The following BIN1 variants were observed in gnomAD, a reference collection of about 807,000 sequenced individuals.
The protein encoded by BIN1 is myc box-dependent-interacting protein 1.
BIN1 carries 53 observed loss-of-function variants against 82.0 expected under a neutral mutation model. That is an observed-to-expected ratio of 0.65 (90% CI 0.52 to 0.81). The LOEUF is 0.81. BIN1 is among the 40% of genes least tolerant of loss of function. BIN1 has a pLI of 0.00. For synonymous variants in BIN1, 302 were observed against 328.0 expected (o/e 0.92, Z 0.86); for missense variants, 642 against 784.4 (o/e 0.82, Z 2.17).
At chr2:127,095,110 A>G (rs1004066388) in intron 1 of BIN1, among the ~76,000 whole-genome samples, 4 of 152,222 alleles carry the variant, frequency 2.6e-5, no homozygotes, top group Non-Finnish European at 5.9e-5. Flanking sequence ...TATTTCAGAA[A>G]AAGAACAAGA....
In BIN1 at chr2:127,068,277, A is replaced by C. The variant is rs1225749543; in HGVS notation, c.520-22T>G. 6.3e-7 allele frequency: 1 copy of C among 1,598,966 alleles called. No homozygotes were observed. The highest frequency in any genetic ancestry group is 1.1e-5 in the South Asian group (1 of 90,510). ...CAGGCTGGGGTGGGGAGGTCAAGGC[A>C]AAGGAAGGTGGAGAGACCAGGGAGG... On this transcript the variant is annotated intron_variant, in intron 6 of 18. Coordinates refer to ENST00000316724, the MANE Select transcript of BIN1 (RefSeq NM_139343.3). The surrounding 1 kb of genome is among the most constrained non-coding windows in gnomAD (Gnocchi z 4.9).
rs776373718 is a variant in BIN1, at chr2:127,053,375, A to C, written c.1263+47T>G. The stretch of plus-strand genomic sequence containing the variant: ...GCATGTGGGCCTGGACACATACGGA[A>C]GAGTGGCTCCCCCAGGGGCTGGACA... On this transcript the variant is annotated intron_variant, in intron 14 of 18. Transcript: ENST00000316724. 19 of 1,612,258 alleles carry C rather than the reference A, an allele frequency of 1.2e-5. No individual in the cohort carries two copies. The Admixed American group carries it at 3.0e-4, about 25-fold the overall frequency.
intron 1 of BIN1, among the ~76,000 whole-genome samples, chr2:127,099,865 G>A (rs372463267): frequency 1.3e-5 from 2 of 149,292 alleles, no homozygotes; most frequent in South Asian, 2.1e-4. Context: ...GTGCAGTGGT[G>A]TGATCTCAGC....
rs1314700621 is a variant in BIN1, at chr2:127,067,477, T to G, written c.612+686A>C. Among the ~76,000 whole-genome samples, 3 of 152,138 alleles carry G rather than the reference T, an allele frequency of 2.0e-5. No individual in the cohort carries two copies. Among genetic ancestry groups the G allele is most frequent in the Admixed American group, 2.0e-4 (3 of 15,276 alleles). On this transcript the variant is annotated intron_variant, in intron 7 of 18. Coordinates refer to ENST00000316724, the MANE Select transcript of BIN1 (RefSeq NM_139343.3). The surrounding 1 kb of genome is among the most constrained non-coding windows in gnomAD (Gnocchi z 4.7). ...CCAGGAGTTTTGTAAAAAAGCCTCC[T>G]CCGGGAAGCCCCCCAGGAACACTGT...
chr2:127,059,088 C>A lies in BIN1; in HGVS notation c.925G>T (p.Glu309Ter). ...TCTGGCTCGTGGTTGACTCTGATCT[C>A]GGGGGTGGCGGCAGGGGAGCCATCT... ...PPDGSPAATP[E>*]IRVNHEPEPA... Residue 309 changes from glutamate (E) to a stop codon, truncating the protein, a stop_gained, in exon 11 of 19, where the codon GAG becomes TAG. Transcript: ENST00000316724. LOFTEE classifies it high-confidence loss of function. This position sits in a 1 kb window ranked among gnomAD's most constrained non-coding sequence, Gnocchi z 6.7. 1 of 1,591,830 alleles carries A rather than the reference C, an allele frequency of 6.3e-7. No individual in the cohort carries two copies.
intron 14 of BIN1, 146 bp downstream of exon 14, chr2:127,053,276 G>A (rs1355934256): frequency 2.5e-6 from 3 of 1,213,874 alleles, no homozygotes; most frequent in Admixed American, 2.0e-5. Context: ...CCAGCTCCCT[G>A]TGCGTGAGCA....
intron 1 of BIN1, among the ~76,000 whole-genome samples, chr2:127,092,858 C>A (rs1017490429): frequency 6.6e-6 from 1 of 152,160 alleles, no homozygotes; most frequent in African/African-American, 2.4e-5. Context: ...CACGCCTGCA[C>A]CCCCTGTGCC....
At chr2:127,077,142 G>A (rs986119965) in intron 1 of BIN1, among the ~76,000 whole-genome samples, 1 of 152,226 alleles carries the variant, frequency 6.6e-6, no homozygotes, top group Non-Finnish European at 1.5e-5. Context: ...CCTGGGCCCA[G>A]GCCCATGAAT....
chr2:127,063,125 C>A (rs1684713136), intron 9 of BIN1, among the ~76,000 whole-genome samples: 1 of 152,194 alleles, frequency 6.6e-6, no homozygotes, highest in South Asian at 2.1e-4. Context: ...CAGACCAGAC[C>A]CTGTCGCACA....
chr2:127,087,921 A>T (rs1276188933), intron 1 of BIN1, among the ~76,000 whole-genome samples: 2 of 152,172 alleles, frequency 1.3e-5, no homozygotes, highest in African/African-American at 4.8e-5. Context: ...CCAGGTGTCC[A>T]CCAGCAAACA....
intron 18 of BIN1, among the ~76,000 whole-genome samples, chr2:127,049,038 T>C (rs1247278820): frequency 6.6e-6 from 1 of 152,224 alleles, no homozygotes; most frequent in Non-Finnish European, 1.5e-5. Flanking sequence ...CGACTTGCCC[T>C]TTGCTTCAAT....
At chr2:127,061,750 G>T (rs1485345741) in intron 10 of BIN1, among the ~76,000 whole-genome samples, 2 of 152,090 alleles carry the variant, frequency 1.3e-5, no homozygotes, top group Non-Finnish European at 2.9e-5. Flanking sequence ...CCTGCTCTGA[G>T]AGGACTGCAC....
chr2:127,085,993 C>T (rs75187767), intron 1 of BIN1, among the ~76,000 whole-genome samples: 6,136 of 152,084 alleles, frequency 0.04, 318 homozygotes, highest in East Asian at 0.2. Context: ...CCCACATGTG[C>T]CCCTCTAGGT....
intron 8 of BIN1, 98 bp downstream of exon 8, chr2:127,063,816 AGCACGCAGACTGGACACCG>A: frequency 6.9e-7 from 1 of 1,451,476 alleles, no homozygotes; most frequent in Non-Finnish European, 9.6e-7. Flanking sequence ...TGGGCACCGC[AGCACGCAGACTGGACACCG>A]CAGCACGCAG....
intron 2 of BIN1, among the ~76,000 whole-genome samples, chr2:127,074,778 C>T (rs1385629031): frequency 1.3e-5 from 2 of 152,244 alleles, no homozygotes; most frequent in Non-Finnish European, 2.9e-5. Context: ...TCTCGGCCCA[C>T]CGCAACCTCT....
intron 1 of BIN1, among the ~76,000 whole-genome samples, chr2:127,088,617 A>G (rs886859757): frequency 2.3e-4 from 35 of 152,100 alleles, no homozygotes; most frequent in African/African-American, 8.2e-4. Context: ...GTGCACCTAT[A>G]GTCCTAGCTA....
At chr2:127,074,686 A>C (rs1353726986) in intron 2 of BIN1, among the ~76,000 whole-genome samples, 1 of 150,984 alleles carries the variant, frequency 6.6e-6, no homozygotes, top group African/African-American at 2.4e-5. Flanking sequence ...ACTCTGCCAA[A>C]GCTCAGCCTG....
chr2:127,086,557 G>A (rs1558865949), intron 1 of BIN1, among the ~76,000 whole-genome samples: 1 of 149,530 alleles, frequency 6.7e-6, no homozygotes, highest in Non-Finnish European at 1.5e-5. Context: ...GCCCAGGCTG[G>A]AGTGCAGTGG....
Position 127,093,306 on chromosome 2 carries a change from C to T in BIN1, c.84+13554G>A, listed in dbSNP as rs1304789533. 6.6e-6 allele frequency among the ~76,000 whole-genome samples: 1 copy of T among 152,208 alleles called. No homozygotes were observed. Among genetic ancestry groups the T allele is most frequent in the African/African-American group, 2.4e-5 (1 of 41,450 alleles). On this transcript the variant is annotated intron_variant, in intron 1 of 18. Transcript: ENST00000316724. This position sits in a 1 kb window ranked among gnomAD's most constrained non-coding sequence, Gnocchi z 5.7. ...CTTCTCCTGCCCTTCTGTCTCTCTC[C>T]CCTCTTTTTCCCTGCCCAGGTGAGT...
Sources: gnomAD v4.1 joint callset for allele counts (sites outside exome capture counted in the v4.1 genomes callset) on GRCh38, gnomAD v4.1.1 for gene constraint, Gnocchi (gnomAD v3.1) non-coding constraint, MANE v1.5 for transcripts, NCBI Gene and HGNC (gene_info 2026-07-23, HGNC 2026-07-21) for gene names.